Variants in SIL1 observed in about 807,000 individuals in gnomAD.
SIL1 encodes the protein nucleotide exchange factor SIL1.
SIL1 carries 40 observed loss-of-function variants against 49.1 expected under a neutral mutation model. That is an observed-to-expected ratio of 0.81 (90% CI 0.63 to 1.06). SIL1 has a LOEUF of 1.06. Ranked by LOEUF, SIL1 falls within the 50% of genes least tolerant of loss-of-function variation. SIL1 has a pLI of 0.00. For missense variants in SIL1, 500 were observed against 572.6 expected, an observed-to-expected ratio of 0.87 and a Z score of 1.29; for synonymous variants, 253 against 250.8, an observed-to-expected ratio of 1.01 and a Z score of -0.08.
chr5:139,003,381 T>C (rs1311176672), intron 7 of SIL1, among the ~76,000 whole-genome samples: 1 of 152,110 alleles, frequency 6.6e-6, no homozygotes, highest in East Asian at 1.9e-4. Flanking sequence ...TGCAGCAGTT[T>C]GGAATGGCGT....
intron 1 of SIL1, among the ~76,000 whole-genome samples, chr5:139,145,137 C>A (rs1751168200): frequency 6.6e-6 from 1 of 152,134 alleles, no homozygotes; most frequent in Admixed American, 6.5e-5. Flanking sequence ...ACAACTCCTA[C>A]AACAGAAAGA....
At chr5:138,986,270 C>T (rs1005481906) in intron 7 of SIL1, among the ~76,000 whole-genome samples, 2 of 152,214 alleles carry the variant, frequency 1.3e-5, no homozygotes, top group Non-Finnish European at 2.9e-5. Flanking sequence ...TTCCCAACTC[C>T]AAGCAGCTCT....
chr5:139,113,608 C>T (rs1235677886), intron 3 of SIL1, among the ~76,000 whole-genome samples: 1 of 152,186 alleles, frequency 6.6e-6, no homozygotes, highest in Non-Finnish European at 1.5e-5. Flanking sequence ...TTCCTACCTC[C>T]AAGGCTCTGA....
At chr5:139,056,697 G>A (rs1317674936) in intron 3 of SIL1, among the ~76,000 whole-genome samples, 2 of 150,784 alleles carry the variant, frequency 1.3e-5, no homozygotes, top group African/African-American at 4.9e-5. Flanking sequence ...GGGAGGTGGG[G>A]GCGTCAGCCC....
chr5:139,039,648 G>C (rs1312161952), intron 5 of SIL1, among the ~76,000 whole-genome samples: 2 of 152,146 alleles, frequency 1.3e-5, no homozygotes, highest in Non-Finnish European at 2.9e-5. Context: ...CTGTGTTTTA[G>C]AGTCTTCCTA....
At chr5:139,164,138 T>G (rs560531457) in intron 1 of SIL1, among the ~76,000 whole-genome samples, 1 of 147,602 alleles carries the variant, frequency 6.8e-6, no homozygotes, top group African/African-American at 2.5e-5. Flanking sequence ...AAAAAAGATA[T>G]TATCATCTCC....
chr5:139,059,180 A>C (rs1769527633), intron 3 of SIL1, among the ~76,000 whole-genome samples: 1 of 152,196 alleles, frequency 6.6e-6, no homozygotes, highest in Non-Finnish European at 1.5e-5. Context: ...TAATTCCCAC[A>C]TGTCATGGGA....
chr5:139,180,403 A>AG (rs1268734708), intron 1 of SIL1, among the ~76,000 whole-genome samples: 37 of 151,538 alleles, frequency 2.4e-4, no homozygotes, highest in Non-Finnish European at 4.7e-4. Flanking sequence ...AAAAAAAAAA[A>AG]AAATCATACC....
At chr5:139,023,811 C>T (rs1041886711) in intron 6 of SIL1, among the ~76,000 whole-genome samples, 3 of 152,220 alleles carry the variant, frequency 2.0e-5, no homozygotes, top group African/African-American at 7.2e-5. Flanking sequence ...CTTACTTAAT[C>T]CCCCAGTGAA....
chr5:139,050,152 T>C (rs1353559545), intron 4 of SIL1, among the ~76,000 whole-genome samples: 1 of 152,132 alleles, frequency 6.6e-6, no homozygotes, highest in African/African-American at 2.4e-5. Flanking sequence ...TAAAAACCAA[T>C]TTCACTTGCA....
At chr5:138,997,499 G>A (rs995877153) in intron 7 of SIL1, among the ~76,000 whole-genome samples, 7 of 152,028 alleles carry the variant, frequency 4.6e-5, no homozygotes, top group Non-Finnish European at 8.8e-5. Context: ...TTTGTGTCTG[G>A]GTTGTTTTGT....
At chr5:138,988,787 C>T (rs929714539) in intron 7 of SIL1, among the ~76,000 whole-genome samples, 5 of 152,120 alleles carry the variant, frequency 3.3e-5, no homozygotes, top group Admixed American at 6.5e-5. Flanking sequence ...GCAGGAGGAT[C>T]GCTTGAGCCC....
intron 2 of SIL1, among the ~76,000 whole-genome samples, chr5:139,123,345 C>CCT (rs1244657238): frequency 6.6e-6 from 1 of 152,204 alleles, no homozygotes; most frequent in African/African-American, 2.4e-5. Flanking sequence ...AGCTGAGTTT[C>CCT]CAGAGGGCAG....
chr5:139,002,370 T>C (rs988165559), intron 7 of SIL1, among the ~76,000 whole-genome samples: 3 of 152,202 alleles, frequency 2.0e-5, no homozygotes, highest in African/African-American at 7.2e-5. Flanking sequence ...AATTTTAGTT[T>C]ATTAAATCTG....
chr5:138,978,211 C>T (rs1233300760), intron 7 of SIL1, among the ~76,000 whole-genome samples: 4 of 144,550 alleles, frequency 2.8e-5, no homozygotes, highest in Non-Finnish European at 4.6e-5. Flanking sequence ...GTGCCCCCCG[C>T]AACTCTCCCC....
At chr5:138,954,239 C>T (rs989451748) in intron 7 of SIL1, among the ~76,000 whole-genome samples, 3 of 152,268 alleles carry the variant, frequency 2.0e-5, no homozygotes, top group Admixed American at 6.5e-5. Flanking sequence ...AAGAGAAAGT[C>T]TGACCTTTTG....
chr5:139,093,069 G>A (rs916298278), intron 3 of SIL1, among the ~76,000 whole-genome samples: 2 of 152,126 alleles, frequency 1.3e-5, no homozygotes, highest in African/African-American at 4.8e-5. Flanking sequence ...GCTGAAACGC[G>A]AGGACTTGCT....
chr5:139,148,788 A>C (rs951948487), intron 1 of SIL1, among the ~76,000 whole-genome samples: 19 of 152,310 alleles, frequency 1.2e-4, no homozygotes, highest in Middle Eastern at 3.4e-3. Flanking sequence ...CTCACCTCTC[A>C]GTAAGTCTTA....
At chr5:139,139,346 T>G (rs769785041) in intron 1 of SIL1, among the ~76,000 whole-genome samples, 3 of 152,140 alleles carry the variant, frequency 2.0e-5, no homozygotes, top group Non-Finnish European at 4.4e-5. Flanking sequence ...CATCTTTCCT[T>G]TCCCCTGATG....
Sources: allele counts gnomAD v4.1 joint callset (sites outside exome capture counted in the v4.1 genomes callset), GRCh38; gene constraint gnomAD v4.1.1; transcripts MANE v1.5; gene names NCBI Gene and HGNC (gene_info 2026-07-23, HGNC 2026-07-21).